ENTPD5: variants seen among roughly 807,000 people sequenced by gnomAD.
ENTPD5 encodes the protein ectonucleoside triphosphate diphosphohydrolase 5 (inactive).
In ENTPD5, 49 loss-of-function variants were observed where a neutral mutation model predicts 60.2. The ratio of observed to expected loss-of-function variants is 0.81; its 90% CI spans 0.65 to 1.03. The LOEUF (loss-of-function observed/expected upper bound fraction) is 1.03, where lower values mean the gene tolerates loss of function less well. Ranked by LOEUF, ENTPD5 falls within the 50% of genes least tolerant of loss-of-function variation. The probability of loss-of-function intolerance (pLI) is 0.00; values close to 1 mark genes in which losing one functional copy is unlikely to be tolerated. For synonymous variants in ENTPD5, 187 were observed against 185.4 expected (o/e 1.01, Z -0.07); for missense variants, 480 against 507.6 (o/e 0.95, Z 0.52).
intron 3 of ENTPD5, among the ~76,000 whole-genome samples, chr14:74,004,551 T>C (rs1594943910): frequency 6.6e-6 from 1 of 152,276 alleles, no homozygotes; most frequent in South Asian, 2.1e-4. Flanking sequence ...GCAGTCAAGA[T>C]GTAGGCTGGG....
At chr14:73,980,953 G>T (rs1360886868) in intron 6 of ENTPD5, among the ~76,000 whole-genome samples, 1 of 151,726 alleles carries the variant, frequency 6.6e-6, no homozygotes, top group Non-Finnish European at 1.5e-5. Context: ...ACAAAAATTA[G>T]CTGGGAGTGG....
chr14:73,971,453 G>A (rs1220616045), intron 14 of ENTPD5, among the ~76,000 whole-genome samples: 3 of 152,106 alleles, frequency 2.0e-5, no homozygotes, highest in Non-Finnish European at 4.4e-5. Flanking sequence ...CACCGTGCCC[G>A]GCCTCCTAAA....
chr14:74,010,704 A>G (rs189452263), intron 3 of ENTPD5, among the ~76,000 whole-genome samples: 1 of 152,348 alleles, frequency 6.6e-6, no homozygotes, highest in African/African-American at 2.4e-5. Flanking sequence ...CAGTAGGTCT[A>G]CAGGACTGTT....
Position 73,973,984 on chromosome 14 carries a change from AG to A in ENTPD5, c.785-7del, listed in dbSNP as rs762983569. 6.2e-7 allele frequency: 1 copy of A among 1,612,828 alleles called. No individual in the cohort carries two copies. Among genetic ancestry groups the A allele is most frequent in the African/African-American group, 1.3e-5 (1 of 74,926 alleles). On this transcript the variant is annotated splice_polypyrimidine_tract_variant and splice_region_variant and intron_variant, in intron 11 of 15. Transcript: ENST00000334696. ...GAAAGTGTGCCCATCAGTCCCTGAA[AG>A]AATCCAGGGCACAAGGTAAGAGGTA... is the stretch of plus-strand genomic sequence containing the variant.
intron 3 of ENTPD5, among the ~76,000 whole-genome samples, chr14:73,993,938 A>C (rs1468504): frequency 0.31 from 47,445 of 151,116 alleles, 9,009 homozygotes; most frequent in Non-Finnish European, 0.42. Context: ...AAAAAAACAA[A>C]CAAAAAACCC....
chr14:74,004,624 A>G (rs914969658), intron 3 of ENTPD5, among the ~76,000 whole-genome samples: 1 of 152,150 alleles, frequency 6.6e-6, no homozygotes, highest in African/African-American at 2.4e-5. Flanking sequence ...GGCTCACTCA[A>G]TGGTTGGCAA....
rs1029704 is a variant in ENTPD5, at chr14:73,963,744, C to T, written c.*3184G>A. 0.4 allele frequency: 61,253 copies of T among 152,098 alleles called. 13,402 individuals carry two copies. The highest frequency in any genetic ancestry group is 0.49 in the South Asian group (2,376 of 4,806). The allele number at this position is 152,098 out of a possible 1,614,324, so 9.4% of individuals were successfully genotyped here. A position where few individuals can be genotyped will look rare whatever the true frequency, so the allele number is the denominator to read the frequency against. ...TTACTGTGGGTTTTTGAAGAGGTCT[C>T]GTCACAAGACCAGAGATGCCTCTTG... On this transcript the variant is annotated 3_prime_UTR_variant, in exon 16 of 16. Coordinates refer to ENST00000334696, the MANE Select transcript of ENTPD5 (RefSeq NM_001249.5).
intron 3 of ENTPD5, among the ~76,000 whole-genome samples, chr14:74,008,405 T>C (rs1377439173): frequency 6.6e-6 from 1 of 151,378 alleles, no homozygotes; most frequent in Non-Finnish European, 1.5e-5. Context: ...TTTTTTTTTT[T>C]TGAGACGGAG....
At chr14:74,004,963 G>C (rs569608443) in intron 3 of ENTPD5, among the ~76,000 whole-genome samples, 41 of 152,038 alleles carry the variant, frequency 2.7e-4, no homozygotes, top group Non-Finnish European at 4.9e-4. Flanking sequence ...GTAATATTTT[G>C]TGGGGTTTTT....
At chr14:73,958,706 C>T (rs1377831831), downstream of ENTPD5, 51 of 1,376,166 alleles carry the variant, frequency 3.7e-5, 1 homozygote, top group South Asian at 5.0e-4. Flanking sequence ...CCTTATTGCT[C>T]TCTAGTTCAA....
downstream of ENTPD5, chr14:73,963,095 A>T: frequency 9.7e-7 from 1 of 1,027,520 alleles, no homozygotes. Flanking sequence ...AATTTAATAA[A>T]CTTACTTTAC....
chr14:73,989,832 CAAAAAAAA>C (rs57558687), intron 3 of ENTPD5, among the ~76,000 whole-genome samples: 71 of 52,338 alleles, frequency 1.4e-3, no homozygotes, highest in Non-Finnish European at 2.1e-3. Context: ...GACTCAGTCT[CAAAAAAAA>C]AAAAAAAAAA....
chr14:73,967,773 A>G (rs949693653), intron 15 of ENTPD5, among the ~76,000 whole-genome samples: 3 of 139,524 alleles, frequency 2.2e-5, no homozygotes, highest in African/African-American at 8.0e-5. Flanking sequence ...GCACTCCAGC[A>G]TGGGTGACAG....
chr14:73,978,438 T>C (rs1406082719), intron 6 of ENTPD5, among the ~76,000 whole-genome samples: 2 of 151,986 alleles, frequency 1.3e-5, no homozygotes, highest in African/African-American at 4.8e-5. Flanking sequence ...ACCCCATCTC[T>C]ACTAAAAATA....
intron 3 of ENTPD5, chr14:74,003,612 T>G (rs559152184): frequency 4.2e-5 from 22 of 522,046 alleles, no homozygotes; most frequent in South Asian, 3.1e-4. Flanking sequence ...TTCACCGCCC[T>G]CTGATCGCTG....
intron 6 of ENTPD5, among the ~76,000 whole-genome samples, chr14:73,978,422 G>C (rs1476344127): frequency 6.6e-6 from 1 of 152,004 alleles, no homozygotes; most frequent in Non-Finnish European, 1.5e-5. Flanking sequence ...TGGCCAACAT[G>C]ATGAAACCCC....
intron 1 of ENTPD5, chr14:74,018,567 CGG>C (rs1283067147): frequency 6.6e-6 from 1 of 152,114 alleles, no homozygotes; most frequent in Non-Finnish European, 1.5e-5. Context: ...TTTCAGGAGT[CGG>C]GGAGGCAAGT....
At chr14:74,015,509 C>T (rs2058991546) in intron 2 of ENTPD5, among the ~76,000 whole-genome samples, 1 of 151,846 alleles carries the variant, frequency 6.6e-6, no homozygotes, top group Non-Finnish European at 1.5e-5. Flanking sequence ...ATGGCCACCA[C>T]ACCCAGCTAA....
downstream of ENTPD5, chr14:73,959,874 A>G (rs1378449891): frequency 8.8e-6 from 11 of 1,245,908 alleles, no homozygotes; most frequent in Non-Finnish European, 1.0e-5. Flanking sequence ...CCAGCCAGAA[A>G]GGTGGTTTTG....
Sources: gnomAD v4.1 joint callset for allele counts (sites outside exome capture counted in the v4.1 genomes callset) on GRCh38, gnomAD v4.1.1 for gene constraint, MANE v1.5 for transcripts, NCBI Gene and HGNC (gene_info 2026-07-23, HGNC 2026-07-21) for gene names.